The following HEMK2 variants were observed in gnomAD, a reference collection of about 807,000 sequenced individuals.
The protein encoded by HEMK2 is HemK methyltransferase 2, ETF1 glutamine and histone H4 lysine, also known as methyltransferase HEMK2.
the HEMK2 span, among the ~76,000 whole-genome samples, chr21:28,672,965 GA>G: frequency 2.7e-3 from 355 of 132,232 alleles, no homozygotes; most frequent in Admixed American, 5.4e-3. Context: ...GAGAGAGAAA[GA>G]AAAAAAATAA....
chr21:28,860,777 G>A, the HEMK2 span, among the ~76,000 whole-genome samples: 15,780 of 152,174 alleles, frequency 0.1, 1,168 homozygotes, highest in African/African-American at 0.21. Flanking sequence ...GGATAGTGGT[G>A]GAAGGAACAT....
chr21:28,600,343 C>T, the HEMK2 span, among the ~76,000 whole-genome samples: 51 of 152,356 alleles, frequency 3.3e-4, no homozygotes, highest in Non-Finnish European at 5.3e-4. Flanking sequence ...CTCAACACCA[C>T]GTGGAAGTTG....
the HEMK2 span, among the ~76,000 whole-genome samples, chr21:28,582,589 G>A: frequency 1.3e-5 from 2 of 152,150 alleles, no homozygotes; most frequent in African/African-American, 4.8e-5. Flanking sequence ...AAGTGAGAAG[G>A]AAGCCCTCCC....
the HEMK2 span, among the ~76,000 whole-genome samples, chr21:28,707,047 C>T: frequency 6.6e-6 from 1 of 152,126 alleles, no homozygotes; most frequent in South Asian, 2.1e-4. Context: ...CTCAACATCC[C>T]TTTACACTCT....
the HEMK2 span, among the ~76,000 whole-genome samples, chr21:28,756,948 CT>C: frequency 6.6e-6 from 1 of 152,270 alleles, no homozygotes; most frequent in East Asian, 1.9e-4. Flanking sequence ...CACTTAATAA[CT>C]TTTGTTCTAT....
At chr21:28,876,125 T>C in the HEMK2 span, 1 of 258,302 alleles carries the variant, frequency 3.9e-6, no homozygotes, top group Admixed American at 5.3e-5. Flanking sequence ...ATCAATTCCA[T>C]TGCCTTACCA....
At chr21:28,879,773 T>G in the HEMK2 span, 3 of 883,884 alleles carry the variant, frequency 3.4e-6, no homozygotes, top group East Asian at 9.0e-5. Flanking sequence ...TAGTCTGTGA[T>G]AGCAGCAGCT....
chr21:28,643,777 T>C, the HEMK2 span, among the ~76,000 whole-genome samples: 1 of 152,222 alleles, frequency 6.6e-6, no homozygotes, highest in Non-Finnish European at 1.5e-5. Context: ...ATCCAGTCTA[T>C]GATAATTTGT....
chr21:28,879,820 A>C, the HEMK2 span: 2 of 1,375,966 alleles, frequency 1.5e-6, no homozygotes, highest in Admixed American at 2.2e-5. Flanking sequence ...TTGATTTTAC[A>C]AACAAAATAA....
At chr21:28,824,631 G>A in the HEMK2 span, among the ~76,000 whole-genome samples, 3 of 152,152 alleles carry the variant, frequency 2.0e-5, no homozygotes, top group Non-Finnish European at 4.4e-5. Flanking sequence ...CTTCACTGGA[G>A]TTGCTTCCCA....
the HEMK2 span, among the ~76,000 whole-genome samples, chr21:28,613,976 T>A: frequency 3.3e-5 from 5 of 152,292 alleles, no homozygotes; most frequent in African/African-American, 9.6e-5. Context: ...CTATGTTTTC[T>A]TCACTGTGGG....
the HEMK2 span, among the ~76,000 whole-genome samples, chr21:28,833,967 T>C: frequency 4.5e-3 from 680 of 152,326 alleles, 5 homozygotes; most frequent in African/African-American, 0.016. Flanking sequence ...ATTAAACTGT[T>C]AGAATGTTCC....
the HEMK2 span, among the ~76,000 whole-genome samples, chr21:28,764,342 T>A: frequency 1.3e-5 from 2 of 152,032 alleles, no homozygotes; most frequent in Admixed American, 6.6e-5. Flanking sequence ...TAAATAAAAA[T>A]TTTAAAGTGA....
the HEMK2 span, among the ~76,000 whole-genome samples, chr21:28,774,879 T>C: frequency 6.6e-6 from 1 of 152,236 alleles, no homozygotes; most frequent in Admixed American, 6.5e-5. Context: ...AAAGATTATC[T>C]CTTCAACTTA....
chr21:28,588,861 T>C, the HEMK2 span, among the ~76,000 whole-genome samples: 1 of 151,640 alleles, frequency 6.6e-6, no homozygotes, highest in Admixed American at 6.6e-5. Context: ...TGGGCACCTG[T>C]AGTCCCAGCT....
the HEMK2 span, chr21:28,879,918 A>G: frequency 1.9e-6 from 3 of 1,601,326 alleles, no homozygotes; most frequent in African/African-American, 2.7e-5. Context: ...CCAGAAGATC[A>G]ACTTTTTCGG....
chr21:28,850,447 A>G, the HEMK2 span, among the ~76,000 whole-genome samples: 1 of 151,992 alleles, frequency 6.6e-6, no homozygotes, highest in Non-Finnish European at 1.5e-5. Context: ...GATGGTCTCG[A>G]TCTCCTGACC....
chr21:28,679,589 G>A, the HEMK2 span, among the ~76,000 whole-genome samples: 4 of 152,086 alleles, frequency 2.6e-5, no homozygotes, highest in Admixed American at 2.0e-4. Flanking sequence ...CAAATCAACA[G>A]AATATACATT....
chr21:28,687,811 C>T, the HEMK2 span, among the ~76,000 whole-genome samples: 6 of 152,126 alleles, frequency 3.9e-5, no homozygotes, highest in African/African-American at 1.4e-4. Flanking sequence ...AGGATGGAGG[C>T]CTTCATCACA....
Sources: allele counts gnomAD v4.1 joint callset (sites outside exome capture counted in the v4.1 genomes callset), GRCh38; gene constraint gnomAD v4.1.1; transcripts MANE v1.5; gene names NCBI Gene and HGNC (gene_info 2026-07-23, HGNC 2026-07-21).